The following MIPOL1 variants were observed in gnomAD, a reference collection of about 807,000 sequenced individuals.
MIPOL1 encodes the protein mirror-image polydactyly gene 1 protein.
MIPOL1 carries 57 observed loss-of-function variants against 60.9 expected under a neutral mutation model. The ratio of observed to expected loss-of-function variants is 0.94; its 90% CI spans 0.76 to 1.17. The LOEUF is 1.17. Ranked by LOEUF, MIPOL1 falls within the 50% of genes most tolerant of loss-of-function variation. The pLI, the probability that MIPOL1 is intolerant of heterozygous loss-of-function variation, is 0.00. For synonymous variants in MIPOL1, 179 were observed against 168.8 expected (o/e 1.06, Z -0.47); for missense variants, 551 against 511.6 (o/e 1.08, Z -0.74).
At position 37,546,715 on chromosome 14, in the gene MIPOL1, G is replaced by A. The variant is rs574335380; in HGVS notation, c.1263-190G>A. Among the ~76,000 whole-genome samples the A allele has an allele frequency of 1.0e-3, 156 of 152,096 alleles. 1 individual carries two copies. Among genetic ancestry groups the A allele is most frequent in the African/African-American group, 3.3e-3 (138 of 41,528 alleles). On this transcript the variant is annotated intron_variant, in intron 12 of 12. Transcript: ENST00000684589. ...AAGGATCTGGGTTAAAGTTTGTGTC[G>A]TTGCTGGGTTTTTTAACCTCAAATA...
At chr14:37,447,952 AC>A (rs1312212155) in intron 11 of MIPOL1, among the ~76,000 whole-genome samples, 3 of 152,174 alleles carry the variant, frequency 2.0e-5, no homozygotes, top group Admixed American at 6.5e-5. Flanking sequence ...TTGGCCATTG[AC>A]ACAAAAGAGC....
chr14:37,244,934 A>C (rs1160468966), intron 1 of MIPOL1, among the ~76,000 whole-genome samples: 2 of 152,174 alleles, frequency 1.3e-5, no homozygotes, highest in African/African-American at 4.8e-5. Context: ...GAAACATTAA[A>C]ACATCTAATT....
chr14:37,279,645 A>T (rs2083942724), intron 6 of MIPOL1, among the ~76,000 whole-genome samples: 1 of 152,028 alleles, frequency 6.6e-6, no homozygotes, highest in African/African-American at 2.4e-5. Context: ...ACAAATAATA[A>T]TCGTATATAT....
intron 3 of MIPOL1, among the ~76,000 whole-genome samples, chr14:37,255,737 A>G (rs981033346): frequency 1.3e-5 from 2 of 151,872 alleles, no homozygotes. Flanking sequence ...TGAATTAAAA[A>G]TATTCTTATC....
chr14:37,363,598 T>C (rs2153488441), intron 9 of MIPOL1, among the ~76,000 whole-genome samples: 1 of 152,340 alleles, frequency 6.6e-6, no homozygotes, highest in East Asian at 1.9e-4. Flanking sequence ...AGGGACCTAC[T>C]TGAGGAGGCA....
intron 11 of MIPOL1, among the ~76,000 whole-genome samples, chr14:37,483,922 C>T (rs950653268): frequency 6.6e-6 from 1 of 152,152 alleles, no homozygotes; most frequent in African/African-American, 2.4e-5. Context: ...AGGTGTGAGC[C>T]GCCACAACTG....
chr14:37,223,405 G>A (rs1315452516), intron 1 of MIPOL1, among the ~76,000 whole-genome samples: 1 of 152,000 alleles, frequency 6.6e-6, no homozygotes, highest in Non-Finnish European at 1.5e-5. Context: ...TTATGGGTTT[G>A]GGTCTCCTAT....
At chr14:37,218,772 A>G (rs1202828995) in intron 1 of MIPOL1, among the ~76,000 whole-genome samples, 1 of 151,932 alleles carries the variant, frequency 6.6e-6, no homozygotes, top group Non-Finnish European at 1.5e-5. Context: ...CTCCGTCTCT[A>G]TAAAAAAATA....
chr14:37,461,518 CT>C (rs1471486164), intron 11 of MIPOL1, among the ~76,000 whole-genome samples: 5 of 152,240 alleles, frequency 3.3e-5, no homozygotes, highest in South Asian at 4.2e-4. Context: ...CATTCTGCCC[CT>C]GGCCCCCTCC....
intron 10 of MIPOL1, among the ~76,000 whole-genome samples, chr14:37,371,745 A>G (rs549113042): frequency 5.3e-5 from 8 of 152,282 alleles, no homozygotes; most frequent in African/African-American, 1.4e-4. Context: ...AATTAGGTCA[A>G]TTATAAAACA....
At chr14:37,257,085 T>TTGTGTTTTGTTTTG (rs1567173514) in intron 3 of MIPOL1, among the ~76,000 whole-genome samples, 1 of 127,532 alleles carries the variant, frequency 7.8e-6, no homozygotes, top group Non-Finnish European at 1.7e-5. Context: ...TTGGGTTTTT[T>TTGTGTTTTGTTTTG]GGTTTTGTTT....
intron 1 of MIPOL1, among the ~76,000 whole-genome samples, chr14:37,246,098 A>G (rs1973156834): frequency 6.6e-6 from 1 of 152,126 alleles, no homozygotes. Context: ...ATCATTATTT[A>G]AAGTCATAAC....
intron 12 of MIPOL1, among the ~76,000 whole-genome samples, chr14:37,512,031 T>C (rs1272428999): frequency 6.6e-6 from 1 of 152,200 alleles, no homozygotes; most frequent in Non-Finnish European, 1.5e-5. Flanking sequence ...GGAGTTCTGC[T>C]CATCTTAAAT....
At chr14:37,510,473 G>A (rs890871558) in intron 12 of MIPOL1, among the ~76,000 whole-genome samples, 2 of 152,142 alleles carry the variant, frequency 1.3e-5, no homozygotes, top group Admixed American at 1.3e-4. Flanking sequence ...CTGGGCTGGA[G>A]CAATCTGCCC....
chr14:37,390,624 C>A (rs559041776), intron 10 of MIPOL1, among the ~76,000 whole-genome samples: 2 of 151,802 alleles, frequency 1.3e-5, no homozygotes, highest in African/African-American at 4.8e-5. Context: ...AAATGGAAAT[C>A]AAATAGAAAT....
intron 12 of MIPOL1, among the ~76,000 whole-genome samples, chr14:37,539,130 A>C (rs2095519483): frequency 6.6e-6 from 1 of 152,086 alleles, no homozygotes; most frequent in South Asian, 2.1e-4. Context: ...TGAACCCAGG[A>C]GGCGGAGCTT....
At chr14:37,529,055 A>G (rs1227189013) in intron 12 of MIPOL1, among the ~76,000 whole-genome samples, 2 of 152,204 alleles carry the variant, frequency 1.3e-5, no homozygotes, top group African/African-American at 4.8e-5. Flanking sequence ...CAAAAAGGTG[A>G]CAAGTATGAA....
intron 7 of MIPOL1, among the ~76,000 whole-genome samples, chr14:37,291,538 G>T (rs1301399682): frequency 1.3e-5 from 2 of 151,728 alleles, no homozygotes; most frequent in Non-Finnish European, 2.9e-5. Context: ...TTATTTTATT[G>T]AAATGATTTT....
chr14:37,534,204 C>A, intron 12 of MIPOL1, among the ~76,000 whole-genome samples: 1 of 152,000 alleles, frequency 6.6e-6, no homozygotes, highest in South Asian at 2.1e-4. Context: ...GAAAGGCTAA[C>A]CTTTACTTAG....
Sources: allele counts gnomAD v4.1 joint callset (sites outside exome capture counted in the v4.1 genomes callset), GRCh38; gene constraint gnomAD v4.1.1; transcripts MANE v1.5; gene names NCBI Gene and HGNC (gene_info 2026-07-23, HGNC 2026-07-21).